The following CERS6 variants were observed in gnomAD, a reference collection of about 807,000 sequenced individuals.
CERS6 encodes the protein LAG1 homolog, ceramide synthase 6.
CERS6 carries 26 observed loss-of-function variants against 56.8 expected under a neutral mutation model. The ratio of observed to expected loss-of-function variants is 0.46; its 90% CI spans 0.34 to 0.63. CERS6 has a LOEUF of 0.63. Among genes scored for constraint, CERS6 ranks in the 30% least tolerant of loss-of-function variants. The pLI, the probability that CERS6 is intolerant of heterozygous loss-of-function variation, is 0.01. For missense variants in CERS6, 415 were observed against 467.5 expected, an observed-to-expected ratio of 0.89 and a Z score of 1.04; for synonymous variants, 164 against 173.3, an observed-to-expected ratio of 0.95 and a Z score of 0.42.
At chr2:168,733,803 A>G (rs1389123210) in intron 8 of CERS6, among the ~76,000 whole-genome samples, 2 of 152,170 alleles carry the variant, frequency 1.3e-5, no homozygotes, top group Non-Finnish European at 2.9e-5. Flanking sequence ...CTGGATTGCA[A>G]TGGACACATG....
At chr2:168,498,964 G>C (rs977672042) in intron 1 of CERS6, among the ~76,000 whole-genome samples, 1 of 152,110 alleles carries the variant, frequency 6.6e-6, no homozygotes, top group Non-Finnish European at 1.5e-5. Context: ...GGTTACTCTG[G>C]GGTCCCCTTG....
chr2:168,584,724 C>T (rs1189614592), intron 3 of CERS6, among the ~76,000 whole-genome samples: 3 of 152,202 alleles, frequency 2.0e-5, no homozygotes, highest in Non-Finnish European at 4.4e-5. Context: ...GAGAGGTACT[C>T]ATTGGCAACT....
At chr2:168,610,113 G>A (rs569982608) in intron 3 of CERS6, among the ~76,000 whole-genome samples, 1 of 151,614 alleles carries the variant, frequency 6.6e-6, no homozygotes, top group African/African-American at 2.4e-5. Flanking sequence ...AAGTAGCTGG[G>A]ACTACAGGCG....
chr2:168,590,267 G>A lies in CERS6; in HGVS notation c.407+28945G>A, dbSNP rs75856549. 2.8e-3 allele frequency among the ~76,000 whole-genome samples: 420 copies of A among 152,320 alleles called. 4 individuals are homozygous for A. Among genetic ancestry groups the A allele is most frequent in the African/African-American group, 9.2e-3 (383 of 41,570 alleles). ...AAGCCTCTCCTTTGGTTTAAAGGCT[G>A]TGCTTTAATTTGATCTTTTGGCCAT... On this transcript the variant is annotated intron_variant, in intron 3 of 9. Coordinates refer to ENST00000305747, the MANE Select transcript of CERS6 (RefSeq NM_203463.3).
intron 1 of CERS6, among the ~76,000 whole-genome samples, chr2:168,476,695 T>G (rs554377266): frequency 6.6e-6 from 1 of 152,208 alleles, no homozygotes; most frequent in South Asian, 2.1e-4. Context: ...CTGGAGAGCC[T>G]GGGGTCCTGA....
intron 8 of CERS6, among the ~76,000 whole-genome samples, chr2:168,749,448 CACTTCCA>C (rs1380855452): frequency 6.6e-6 from 1 of 152,220 alleles, no homozygotes. Context: ...GTCTTCTCAG[CACTTCCA>C]GGGAGCCACA....
chr2:168,712,058 G>T (rs1001010212), intron 6 of CERS6, among the ~76,000 whole-genome samples: 10 of 152,170 alleles, frequency 6.6e-5, no homozygotes, highest in Non-Finnish European at 1.3e-4. Context: ...GTAAGTGGGG[G>T]TCCAGAAGAA....
chr2:168,465,705 G>C (rs1055934205), intron 1 of CERS6, among the ~76,000 whole-genome samples: 6 of 152,136 alleles, frequency 3.9e-5, no homozygotes, highest in African/African-American at 1.4e-4. Flanking sequence ...ACAGGTAGTG[G>C]AGTGATGACT....
chr2:168,721,462 G>A (rs753118728), intron 8 of CERS6, among the ~76,000 whole-genome samples: 2 of 151,446 alleles, frequency 1.3e-5, no homozygotes, highest in Non-Finnish European at 2.9e-5. Context: ...GTTTTCATAG[G>A]CATATGCTTA....
intron 9 of CERS6, chr2:168,766,412 G>T: frequency 2.2e-6 from 3 of 1,388,726 alleles, no homozygotes; most frequent in Non-Finnish European, 3.0e-6. Context: ...GGGGCACTCA[G>T]ATGCTTTTGT....
intron 2 of CERS6, among the ~76,000 whole-genome samples, chr2:168,549,313 G>C (rs1031528198): frequency 6.6e-6 from 1 of 152,136 alleles, no homozygotes; most frequent in African/African-American, 2.4e-5. Flanking sequence ...GTAATAAAAA[G>C]ATTTTGCAGC....
At chr2:168,503,072 C>T (rs560810240) in intron 1 of CERS6, among the ~76,000 whole-genome samples, 1 of 152,226 alleles carries the variant, frequency 6.6e-6, no homozygotes, top group South Asian at 2.1e-4. Flanking sequence ...TTCCCCCATG[C>T]TTTTCTCATA....
At chr2:168,726,769 A>T (rs1263135685) in intron 8 of CERS6, among the ~76,000 whole-genome samples, 1 of 152,264 alleles carries the variant, frequency 6.6e-6, no homozygotes, top group Non-Finnish European at 1.5e-5. Flanking sequence ...ATTGTTAAAG[A>T]TATAAATTCC....
intron 1 of CERS6, among the ~76,000 whole-genome samples, chr2:168,526,828 T>G (rs1695080416): frequency 6.6e-6 from 1 of 152,246 alleles, no homozygotes; most frequent in Admixed American, 6.5e-5. Flanking sequence ...TCAGTTAGTA[T>G]CTCTTTAGTT....
At chr2:168,635,840 A>G (rs892380075) in intron 4 of CERS6, among the ~76,000 whole-genome samples, 1 of 152,152 alleles carries the variant, frequency 6.6e-6, no homozygotes, top group African/African-American at 2.4e-5. Flanking sequence ...GTGTTCTCAA[A>G]TTCAACACAC....
At chr2:168,567,493 G>T (rs1439406779) in intron 3 of CERS6, among the ~76,000 whole-genome samples, 1 of 152,146 alleles carries the variant, frequency 6.6e-6, no homozygotes, top group Non-Finnish European at 1.5e-5. Context: ...GTGTATTTAT[G>T]GATACTGAAA....
intron 1 of CERS6, among the ~76,000 whole-genome samples, chr2:168,462,765 C>T (rs145829151): frequency 1.1e-3 from 163 of 152,226 alleles, no homozygotes; most frequent in African/African-American, 3.8e-3. Context: ...GTCTCCTGGC[C>T]TCAAGTGATC....
At chr2:168,502,483 A>G (rs1360817010) in intron 1 of CERS6, among the ~76,000 whole-genome samples, 4 of 152,148 alleles carry the variant, frequency 2.6e-5, no homozygotes, top group Non-Finnish European at 5.9e-5. Flanking sequence ...TGGCTGCTTC[A>G]TCTGCAGCAT....
intron 1 of CERS6, among the ~76,000 whole-genome samples, chr2:168,500,235 C>G (rs1694555701): frequency 6.6e-6 from 1 of 152,152 alleles, no homozygotes; most frequent in Admixed American, 6.5e-5. Context: ...TTTGCTTGAT[C>G]TAGACTGCAT....
Sources: allele counts gnomAD v4.1 joint callset (sites outside exome capture counted in the v4.1 genomes callset), GRCh38; gene constraint gnomAD v4.1.1; transcripts MANE v1.5; gene names NCBI Gene and HGNC (gene_info 2026-07-23, HGNC 2026-07-21).